Variants in HMCN1 observed in about 807,000 individuals in gnomAD.
HMCN1 encodes the protein hemicentin 1.
In HMCN1, 321 loss-of-function variants were observed where a neutral mutation model predicts 625.9. That is an observed-to-expected ratio of 0.51 (90% CI 0.47 to 0.56). The LOEUF (loss-of-function observed/expected upper bound fraction) is 0.56, where lower values mean the gene tolerates loss of function less well. HMCN1 is among the 20% of genes least tolerant of loss of function. The pLI is 0.00. For synonymous variants in HMCN1, 2,425 were observed against 2,417.6 expected (o/e 1.00, Z -0.09); for missense variants, 6,588 against 6,887.3 (o/e 0.96, Z 1.54).
At chr1:186,174,706 C>T (rs1489041767) in intron 103 of HMCN1, 64 bp downstream of exon 103, 19 of 1,449,358 alleles carry the variant, frequency 1.3e-5, no homozygotes, top group Middle Eastern at 1.8e-4. Flanking sequence ...CTTACCAACT[C>T]GCTTAGGGCC....
Position 186,086,305 on chromosome 1 carries a change from A to G in HMCN1, c.8944A>G (p.Ile2982Val), listed in dbSNP as rs1335305442. The change falls in exon 58 of 107, where the codon ATC becomes GTC. Residue 2982 changes from isoleucine (I) to valine (V), a missense_variant. Transcript: ENST00000271588. ...TCTTACCGTCGTGGTGAACAATTTC[A>G]TCTCTTTGACCTGTGAGGTCTCTGG... ...ENLTVVVNNF[I>V]SLTCEVSGFP... 7 of 1,613,290 alleles carry G rather than the reference A, an allele frequency of 4.3e-6. No homozygotes were observed. Among genetic ancestry groups the G allele is most frequent in the South Asian group, 1.1e-5 (1 of 91,074 alleles).
chr1:186,015,857 C>A, intron 31 of HMCN1, 101 bp from the exon 32 acceptor site: 1 of 1,160,100 alleles, frequency 8.6e-7, no homozygotes, highest in Non-Finnish European at 1.3e-6. Context: ...TTTTAATGGT[C>A]AAACTTTGTG....
rs372725145 is a variant in HMCN1, at chr1:185,970,664, C to CTT, written c.2371+182_2371+183dup. Reference sequence around the variant, plus strand: ...TTAGCATTTACTAGGTGCTTTCTTTCTTTTTTTTTTTTGATACGGAGTCTC... The same window carrying CTT: ...TTAGCATTTACTAGGTGCTTTCTTTCTTTTTTTTTTTTTTGATACGGAGTCTC... On this transcript the variant is annotated intron_variant, in intron 15 of 106. Coordinates refer to ENST00000271588, the MANE Select transcript of HMCN1 (RefSeq NM_031935.3). Among the ~76,000 whole-genome samples, 474 of 145,464 alleles carry CTT rather than the reference C, an allele frequency of 3.3e-3. 5 individuals carry two copies. Among genetic ancestry groups the CTT allele is most frequent in the African/African-American group, 0.011 (439 of 40,204 alleles).
Position 186,151,180 on chromosome 1 carries a change from G to GC in HMCN1, c.14609-20_14609-19insC, listed in dbSNP as rs774271402. ...TGAAATTGCATCCTTATCCAGGAAT[G>GC]TTTTTTTTTCCCCCAATAGGTGGGC... On this transcript the variant is annotated intron_variant, in intron 93 of 106. Transcript: ENST00000271588. 4 of 1,592,294 alleles carry GC rather than the reference G, an allele frequency of 2.5e-6. No homozygotes were observed. Among genetic ancestry groups the GC allele is most frequent in the African/African-American group, 1.3e-5 (1 of 74,140 alleles).
At chr1:186,137,722 T>C (rs1160208899) in intron 88 of HMCN1, 54 bp downstream of exon 88, 57 of 1,613,706 alleles carry the variant, frequency 3.5e-5, no homozygotes, top group Non-Finnish European at 4.6e-5. Context: ...TTCATTTCTG[T>C]CTTCTACCTA....
intron 71 of HMCN1, among the ~76,000 whole-genome samples, chr1:186,110,974 A>ATTTTTTTTTTTTT (rs778503338): frequency 1.7e-4 from 10 of 59,940 alleles, no homozygotes; most frequent in African/African-American, 1.1e-3. Flanking sequence ...ACCAGAGAAA[A>ATTTTTTTTTTTTT]TTCTTTTTTT....
Position 185,982,267 on chromosome 1 carries a change from C to G in HMCN1, c.2668C>G (p.Pro890Ala), listed in dbSNP as rs911497543. ...TGTGCTCTCTCTTGATTTAGTTGCT[C>G]CACTTATTGGAATCAGCCCTTCAGT... ...TTVTVTGLVA[P>A]LIGISPSVAN... Residue 890 changes from proline to alanine, a missense_variant, in exon 18 of 107, where the codon CCA (proline) becomes GCA (alanine). Pro to Ala is a conservative substitution (Grantham distance 27, BLOSUM62 -1). Around this residue, in one of 3 missense-constraint regions of HMCN1, gnomAD observed 4,628 missense variants for 4,853.1 expected, o/e 0.95. Coordinates refer to ENST00000271588, the MANE Select transcript of HMCN1 (RefSeq NM_031935.3). The G allele has an allele frequency of 1.2e-6, 2 of 1,613,688 alleles. No homozygotes were observed. The highest frequency in any genetic ancestry group is 1.7e-6 in the Non-Finnish European group (2 of 1,179,840).
intron 68 of HMCN1, among the ~76,000 whole-genome samples, chr1:186,102,110 G>A (rs1255207577): frequency 1.3e-5 from 2 of 152,110 alleles, no homozygotes; most frequent in Non-Finnish European, 2.9e-5. Flanking sequence ...TATTGTGGAA[G>A]TCTTGGAAAC....
chr1:185,916,078 G>T (rs544029689), intron 6 of HMCN1, among the ~76,000 whole-genome samples: 7 of 152,018 alleles, frequency 4.6e-5, no homozygotes, highest in African/African-American at 1.7e-4. Context: ...ATGTGTGTGT[G>T]TGTGTGTGTA....
intron 1 of HMCN1, among the ~76,000 whole-genome samples, chr1:185,742,349 A>G (rs149562480): frequency 3.6e-3 from 553 of 152,354 alleles, no homozygotes; most frequent in African/African-American, 0.012. Context: ...TCATTTTAAT[A>G]CAGTTCATCA....
intron 4 of HMCN1, among the ~76,000 whole-genome samples, chr1:185,898,264 A>C (rs888052704): frequency 6.6e-6 from 1 of 152,126 alleles, no homozygotes; most frequent in Non-Finnish European, 1.5e-5. Context: ...TCTCCTGGTT[A>C]ATCTGGGGCA....
chr1:185,748,576 T>C (rs1219727166), intron 1 of HMCN1, among the ~76,000 whole-genome samples: 1 of 152,164 alleles, frequency 6.6e-6, no homozygotes. Flanking sequence ...ATAATGAAAA[T>C]TAACAGGGGA....
chr1:185,937,286 TCA>T (rs1667858150), intron 11 of HMCN1, among the ~76,000 whole-genome samples: 1 of 152,282 alleles, frequency 6.6e-6, no homozygotes, highest in Admixed American at 6.5e-5. Flanking sequence ...ATTTATTGGC[TCA>T]CAGTGCTGAA....
At chr1:186,065,131 A>T in intron 48 of HMCN1, 107 bp from the exon 49 acceptor site, 1 of 783,670 alleles carries the variant, frequency 1.3e-6, no homozygotes, top group Non-Finnish European at 2.1e-6. Context: ...GCCGTGTTTT[A>T]GACATGGGAT....
At chr1:185,997,847 G>C (rs1652916473) in intron 25 of HMCN1, among the ~76,000 whole-genome samples, 1 of 147,258 alleles carries the variant, frequency 6.8e-6, no homozygotes, top group Non-Finnish European at 1.5e-5. Context: ...TTTACAATGT[G>C]ATAGCTGGAG....
intron 22 of HMCN1, among the ~76,000 whole-genome samples, chr1:185,991,425 CA>C (rs1652416667): frequency 6.6e-6 from 1 of 152,152 alleles, no homozygotes; most frequent in African/African-American, 2.4e-5. Flanking sequence ...TCCCTCTTCC[CA>C]GGGGCAAACG....
intron 41 of HMCN1, among the ~76,000 whole-genome samples, chr1:186,046,488 A>C (rs182118650): frequency 1.2e-4 from 19 of 152,200 alleles, no homozygotes; most frequent in Admixed American, 1.1e-3. Context: ...AAAAAAATGC[A>C]AAAGAGCATG....
chr1:186,155,016 T>C (rs1650903963), intron 97 of HMCN1, among the ~76,000 whole-genome samples: 1 of 152,200 alleles, frequency 6.6e-6, no homozygotes, highest in Non-Finnish European at 1.5e-5. Flanking sequence ...TCCCATGAGT[T>C]CACTTAAAAG....
intron 1 of HMCN1, among the ~76,000 whole-genome samples, chr1:185,824,747 G>C (rs1660405237): frequency 6.6e-6 from 1 of 152,166 alleles, no homozygotes; most frequent in South Asian, 2.1e-4. Flanking sequence ...GAGGTTCAGA[G>C]AGATTAAATA....
Sources: allele counts gnomAD v4.1 joint callset (sites outside exome capture counted in the v4.1 genomes callset), GRCh38; gene constraint gnomAD v4.1.1; regional missense constraint gnomAD v4.1.1; transcripts MANE v1.5; gene names NCBI Gene and HGNC (gene_info 2026-07-23, HGNC 2026-07-21).